Variants in ALLC observed in about 807,000 individuals in gnomAD.
ALLC encodes probable inactive allantoicase.
ALLC carries 40 observed loss-of-function variants against 45.0 expected under a neutral mutation model. The observed-to-expected ratio is 0.89, with a 90% CI of 0.69 to 1.16. The LOEUF (loss-of-function observed/expected upper bound fraction) is 1.16. ALLC is among the 50% of genes most tolerant of loss of function. The pLI is 0.00. For synonymous variants in ALLC, 176 were observed against 178.1 expected (o/e 0.99, Z 0.09); for missense variants, 488 against 493.1 (o/e 0.99, Z 0.10).
intron 2 of ALLC, among the ~76,000 whole-genome samples, chr2:3,672,418 T>G: frequency 7.3e-6 from 1 of 136,464 alleles, no homozygotes; most frequent in African/African-American, 2.9e-5. Context: ...CCTGTGGTCC[T>G]CTGGCTCTGG....
At chr2:3,702,001 G>T (rs1343889830) in intron 11 of ALLC, among the ~76,000 whole-genome samples, 2 of 152,166 alleles carry the variant, frequency 1.3e-5, no homozygotes, top group Non-Finnish European at 2.9e-5. Context: ...TAGAAAGAGG[G>T]TCAGGCTAGA....
intron 8 of ALLC, 90 bp from the exon 9 acceptor site, chr2:3,696,185 G>A: frequency 2.0e-6 from 2 of 1,022,600 alleles, no homozygotes; most frequent in East Asian, 2.5e-5. Context: ...ATGCTCAGAT[G>A]CATAAGATCT....
At chr2:3,660,254 C>A (rs534453262) in intron 1 of ALLC, among the ~76,000 whole-genome samples, 3 of 152,170 alleles carry the variant, frequency 2.0e-5, no homozygotes, top group African/African-American at 7.2e-5. Context: ...GGCTGCACGC[C>A]GGCTCCCTTC....
At chr2:3,651,302 GGGT>G in the ALLC span, among the ~76,000 whole-genome samples, 559 of 5,018 alleles carry the variant, frequency 0.11, 121 homozygotes, top group East Asian at 0.51. Flanking sequence ...CTTTTTGGGT[GGGT>G]GGGTGGGTGG....
Position 3,678,497 on chromosome 2 carries a change from A to G in ALLC, c.114A>G (p.Glu38=). ...ACAGCCCGTGCTTCAAAGAGCATGAATATACGGAGTTTGGGAAATGGATGG... is the reference window on the plus strand; with the variant it reads ...ACAGCCCGTGCTTCAAAGAGCATGAGTATACGGAGTTTGGGAAATGGATGG... The part of the protein sequence containing the change: ...KSDSPCFKEH[E]YTEFGKWMDG... The change falls in exon 4 of 12, where the codon GAA becomes GAG. Residue 38 remains glutamate, a synonymous_variant. Coordinates refer to ENST00000252505, the MANE Select transcript of ALLC (RefSeq NM_018436.4). 6.2e-7 allele frequency: 1 copy of G among 1,614,060 alleles called. No homozygotes were observed. Among genetic ancestry groups the G allele is most frequent in the Non-Finnish European group, 8.5e-7 (1 of 1,179,888 alleles).
intron 7 of ALLC, among the ~76,000 whole-genome samples, chr2:3,684,134 T>C (rs1473790484): frequency 6.6e-6 from 1 of 152,230 alleles, no homozygotes; most frequent in Non-Finnish European, 1.5e-5. Flanking sequence ...GGTCATATGA[T>C]AACTCTGTGT....
upstream of ALLC, among the ~76,000 whole-genome samples, chr2:3,656,603 T>C (rs1334447465): frequency 6.6e-6 from 1 of 152,256 alleles, no homozygotes; most frequent in Non-Finnish European, 1.5e-5. Context: ...GGCAGCTAGC[T>C]GGCAGAGCCC....
chr2:3,686,135 C>T (rs1403155620), intron 7 of ALLC, among the ~76,000 whole-genome samples: 1 of 150,964 alleles, frequency 6.6e-6, no homozygotes, highest in Non-Finnish European at 1.5e-5. Context: ...AGTTTTTCAT[C>T]CATTTTGATT....
At chr2:3,702,334 T>G (rs776013492) in intron 11 of ALLC, 29 bp from the exon 12 acceptor site, 6 of 1,604,894 alleles carry the variant, frequency 3.7e-6, no homozygotes, top group Non-Finnish European at 5.1e-6. Flanking sequence ...GTTAACAGAC[T>G]AGGACCTCTG....
intron 1 of ALLC, among the ~76,000 whole-genome samples, chr2:3,670,235 T>C (rs78388750): frequency 1.3e-5 from 2 of 152,380 alleles, no homozygotes; most frequent in East Asian, 3.9e-4. Flanking sequence ...ATTCCTGTAA[T>C]TTCAAGGAAG....
At chr2:3,700,658 C>T (rs1417990967) in intron 10 of ALLC, among the ~76,000 whole-genome samples, 3 of 152,142 alleles carry the variant, frequency 2.0e-5, no homozygotes, top group Non-Finnish European at 4.4e-5. Flanking sequence ...ATATCAAATA[C>T]ACAAAGCTTA....
At chr2:3,697,499 T>A in intron 10 of ALLC, 43 bp downstream of exon 10, 1 of 1,528,008 alleles carries the variant, frequency 6.5e-7, no homozygotes, top group Non-Finnish European at 9.1e-7. Context: ...ATTGGTTTGT[T>A]TATTCTAAAG....
At chr2:3,697,302 A>G in intron 9 of ALLC, 46 bp from the exon 10 acceptor site, 1 of 1,495,270 alleles carries the variant, frequency 6.7e-7, no homozygotes, top group Non-Finnish European at 9.3e-7. Context: ...TGGTTTCTTG[A>G]ATGACTCCAA....
intron 2 of ALLC, among the ~76,000 whole-genome samples, chr2:3,672,495 C>T (rs1666909605): frequency 7.2e-6 from 1 of 139,058 alleles, no homozygotes; most frequent in South Asian, 2.3e-4. Context: ...ATCGGAGGTC[C>T]TCTGGCTCTG....
intron 1 of ALLC, among the ~76,000 whole-genome samples, chr2:3,666,495 T>C (rs910898238): frequency 6.6e-6 from 1 of 152,246 alleles, no homozygotes; most frequent in Non-Finnish European, 1.5e-5. Flanking sequence ...CTGCTTAGTC[T>C]GTAACCCGCC....
chr2:3,678,244 G>A (rs1286628828), intron 3 of ALLC, among the ~76,000 whole-genome samples: 1 of 152,236 alleles, frequency 6.6e-6, no homozygotes, highest in Non-Finnish European at 1.5e-5. Flanking sequence ...TCAATTCTGT[G>A]TGCTGAGGCC....
chr2:3,646,987 C>T, the ALLC span, among the ~76,000 whole-genome samples: 2 of 152,044 alleles, frequency 1.3e-5, no homozygotes, highest in Admixed American at 6.5e-5. Flanking sequence ...CTCAGTGGTC[C>T]CCACTTCTGG....
At chr2:3,682,272 C>G (rs1052504002) in intron 6 of ALLC, among the ~76,000 whole-genome samples, 1 of 152,118 alleles carries the variant, frequency 6.6e-6, no homozygotes, top group Non-Finnish European at 1.5e-5. Flanking sequence ...CAGCAGATTT[C>G]CCCAGAGGTC....
Position 3,679,761 on chromosome 2 carries a change from C to T in ALLC, c.173-108C>T, listed in dbSNP as rs1572517788. 14 of 1,476,782 alleles carry T rather than the reference C, an allele frequency of 9.5e-6. No individual in the cohort carries two copies. The Middle Eastern group carries it at 7.3e-4, about 77-fold the overall frequency. The allele number at this position is 1,476,782 out of a possible 1,614,324, so 91.5% of individuals were successfully genotyped here. On this transcript the variant is annotated intron_variant, in intron 4 of 11. Transcript: ENST00000252505. ...CCTGAACAGTTTTTTCTGTGATGGA[C>T]GGAATGGCCCCTGCTGTGGGTCAGG...
Sources: gnomAD v4.1 joint callset for allele counts (sites outside exome capture counted in the v4.1 genomes callset) on GRCh38, gnomAD v4.1.1 for gene constraint, MANE v1.5 for transcripts, NCBI Gene and HGNC (gene_info 2026-07-23, HGNC 2026-07-21) for gene names.